The following PCSK6 variants were observed in gnomAD, a reference collection of about 807,000 sequenced individuals.
PCSK6 encodes proprotein convertase subtilisin/kexin type 6.
A neutral mutation model predicts 123.3 loss-of-function variants in PCSK6; 85 were observed. The ratio of observed to expected loss-of-function variants is 0.69; its 90% CI spans 0.58 to 0.83. The LOEUF (loss-of-function observed/expected upper bound fraction) is 0.83, where lower values mean the gene tolerates loss of function less well. Among genes scored for constraint, PCSK6 ranks in the 40% least tolerant of loss-of-function variants. The probability of loss-of-function intolerance (pLI) is 0.00; values close to 1 mark genes in which losing one functional copy is unlikely to be tolerated. For synonymous variants in PCSK6, 508 were observed against 516.0 expected, an observed-to-expected ratio of 0.98 and a Z score of 0.21; for missense variants, 1,191 against 1,282.3, an observed-to-expected ratio of 0.93 and a Z score of 1.09.
intron 1 of PCSK6, among the ~76,000 whole-genome samples, chr15:101,480,221 T>G (rs1567255949): frequency 6.6e-6 from 1 of 152,302 alleles, no homozygotes; most frequent in African/African-American, 2.4e-5. Context: ...CTAGAAGTGA[T>G]GGATGCTGGC....
At chr15:101,314,552 G>C (rs2039944245) in intron 19 of PCSK6, among the ~76,000 whole-genome samples, 2 of 152,226 alleles carry the variant, frequency 1.3e-5, no homozygotes, top group African/African-American at 4.8e-5. Flanking sequence ...GCTGCATCAA[G>C]GGAAAATCCC....
At position 101,350,155 on chromosome 15, in the gene PCSK6, C is replaced by T. The variant is rs548683007; in HGVS notation, c.1858+16041G>A. Among the ~76,000 whole-genome samples, 5 of 152,266 alleles carry T rather than the reference C, an allele frequency of 3.3e-5. No individual in the cohort carries two copies. The South Asian group carries it at 1.0e-3, about 32-fold the overall frequency. On this transcript the variant is annotated intron_variant, in intron 13 of 21. Transcript: ENST00000611716. ...ACTCCTGACCTCGTGATCCACCTGC[C>T]TTGGCCTCTCAAAGTGCTGGGATTA... is the stretch of plus-strand genomic sequence containing the variant.
At chr15:101,461,763 C>A (rs2057345072) in intron 1 of PCSK6, among the ~76,000 whole-genome samples, 2 of 152,072 alleles carry the variant, frequency 1.3e-5, no homozygotes, top group African/African-American at 4.8e-5. Flanking sequence ...AGATAAAATT[C>A]AAAACCCATA....
intron 1 of PCSK6, among the ~76,000 whole-genome samples, chr15:101,466,649 TG>T (rs2057467519): frequency 6.6e-6 from 1 of 152,200 alleles, no homozygotes; most frequent in Admixed American, 6.5e-5. Context: ...TTCATTACAG[TG>T]GAATGTTATC....
intron 6 of PCSK6, among the ~76,000 whole-genome samples, chr15:101,417,487 C>G (rs1331601909): frequency 6.6e-6 from 1 of 152,136 alleles, no homozygotes; most frequent in Admixed American, 6.5e-5. Flanking sequence ...AAAGGAGCAT[C>G]AGAAAATCTA....
At chr15:101,342,403 T>G (rs369063479) in intron 13 of PCSK6, among the ~76,000 whole-genome samples, 9 of 152,222 alleles carry the variant, frequency 5.9e-5, no homozygotes, top group African/African-American at 2.2e-4. Context: ...AAAAAGCCAA[T>G]AGAGGAGATA....
chr15:101,458,732 A>G (rs2141197865), intron 1 of PCSK6, among the ~76,000 whole-genome samples: 1 of 152,280 alleles, frequency 6.6e-6, no homozygotes, highest in East Asian at 1.9e-4. Flanking sequence ...CGGCAACCAC[A>G]GACACAAACT....
intron 6 of PCSK6, among the ~76,000 whole-genome samples, chr15:101,425,633 CAT>C (rs3031749): frequency 0.44 from 66,953 of 151,254 alleles, 14,953 homozygotes; most frequent in East Asian, 0.57. Flanking sequence ...TGTTTATATA[CAT>C]ATATATATAT....
chr15:101,310,402 A>G (rs993709484), intron 20 of PCSK6, among the ~76,000 whole-genome samples: 2 of 152,266 alleles, frequency 1.3e-5, no homozygotes, highest in African/African-American at 4.8e-5. Context: ...CCAGTTGCAC[A>G]GCTGTGGGCA....
At chr15:101,425,976 C>A (rs1261499409) in intron 6 of PCSK6, among the ~76,000 whole-genome samples, 2 of 152,136 alleles carry the variant, frequency 1.3e-5, no homozygotes, top group Admixed American at 6.5e-5. Flanking sequence ...AAATCCCCTG[C>A]GATCTTGTTA....
At chr15:101,424,706 A>AT (rs573524838) in intron 6 of PCSK6, among the ~76,000 whole-genome samples, 40 of 152,256 alleles carry the variant, frequency 2.6e-4, no homozygotes, top group Non-Finnish European at 5.1e-4. Flanking sequence ...GGTTTATAAC[A>AT]TGTGAAGTAG....
At chr15:101,328,981 G>A (rs180841453) in intron 15 of PCSK6, among the ~76,000 whole-genome samples, 4 of 152,358 alleles carry the variant, frequency 2.6e-5, no homozygotes, top group Middle Eastern at 3.4e-3. Context: ...CATGATGTTT[G>A]TGTTGCAATT....
intron 2 of PCSK6, among the ~76,000 whole-genome samples, chr15:101,435,130 C>T (rs995358148): frequency 2.0e-5 from 3 of 152,154 alleles, no homozygotes; most frequent in Non-Finnish European, 2.9e-5. Flanking sequence ...TCAATGCCCC[C>T]TCGGGGTGAA....
chr15:101,461,564 T>C (rs1252607084), intron 1 of PCSK6, among the ~76,000 whole-genome samples: 1 of 152,154 alleles, frequency 6.6e-6, no homozygotes, highest in Non-Finnish European at 1.5e-5. Flanking sequence ...CTAGGTCCAC[T>C]TTACCCAGAA....
chr15:101,422,769 C>G (rs1430758594), intron 6 of PCSK6, among the ~76,000 whole-genome samples: 1 of 152,004 alleles, frequency 6.6e-6, no homozygotes, highest in Admixed American at 6.6e-5. Flanking sequence ...CTGCAGGCGC[C>G]CGCCACCGCG....
At chr15:101,474,081 TG>T (rs1322316804) in intron 1 of PCSK6, among the ~76,000 whole-genome samples, 1 of 152,184 alleles carries the variant, frequency 6.6e-6, no homozygotes, top group East Asian at 1.9e-4. Context: ...CAGTCATAAA[TG>T]GTTACTTTGA....
intron 5 of PCSK6, 22 bp downstream of exon 5, chr15:101,429,965 G>A: frequency 2.5e-6 from 4 of 1,588,700 alleles, no homozygotes; most frequent in Non-Finnish European, 3.5e-6. Flanking sequence ...AGAAGCCGGG[G>A]AGATGAGGCG....
chr15:101,396,392 G>A (rs1232775671), intron 7 of PCSK6, among the ~76,000 whole-genome samples: 1 of 152,084 alleles, frequency 6.6e-6, no homozygotes, highest in Non-Finnish European at 1.5e-5. Flanking sequence ...CTGGACGGAG[G>A]GTGCCTCATC....
rs572481333 is a variant in PCSK6 at position 101,468,871 on chromosome 15, C to A, written c.297+20503G>T. On this transcript the variant is annotated intron_variant, in intron 1 of 21. Coordinates refer to ENST00000611716, the MANE Select transcript of PCSK6 (RefSeq NM_002570.5). ...CTCACGGAGGTTTAAGTTTATGCTG[C>A]AATCCTCACAACAGCTGGATATAGA... Among the ~76,000 whole-genome samples, 397 of 152,292 alleles carry A rather than the reference C, an allele frequency of 2.6e-3. 1 individual carries two copies. The highest frequency in any genetic ancestry group is 8.1e-3 in the African/African-American group (335 of 41,562).
Sources: allele counts gnomAD v4.1 joint callset (sites outside exome capture counted in the v4.1 genomes callset), GRCh38; gene constraint gnomAD v4.1.1; transcripts MANE v1.5; gene names NCBI Gene and HGNC (gene_info 2026-07-23, HGNC 2026-07-21).